Variants in RHOD observed in about 807,000 individuals in gnomAD.
RHOD encodes the protein ras homolog family member D.
In RHOD, 11 loss-of-function variants were observed where a neutral mutation model predicts 16.7. The observed-to-expected ratio is 0.66, with a 90% CI of 0.41 to 1.09. The LOEUF is 1.09. RHOD is among the 50% of genes least tolerant of loss of function. The probability of loss-of-function intolerance (pLI) is 0.00; values close to 1 mark genes in which losing one functional copy is unlikely to be tolerated. For missense variants in RHOD, 271 were observed against 291.7 expected (o/e 0.93, Z 0.52); for synonymous variants, 124 against 126.3 (o/e 0.98, Z 0.12).
intron 4 of RHOD, 138 bp from the exon 5 acceptor site, chr11:67,071,297 C>G: frequency 1.6e-6 from 1 of 606,142 alleles, no homozygotes; most frequent in Non-Finnish European, 2.6e-6. Context: ...TGCATGAGGG[C>G]GCTTGGGCAA....
At chr11:67,066,005 AGGGTGGG>A in intron 2 of RHOD, 22 bp downstream of exon 2, 1 of 593,612 alleles carries the variant, frequency 1.7e-6, no homozygotes, top group Non-Finnish European at 3.2e-6. Context: ...GGGGTGGGGC[AGGGTGGG>A]AGGGGCTTCT....
Position 67,057,094 on chromosome 11 carries a change from C to A in RHOD, c.132+60C>A. On this transcript the variant is annotated intron_variant, in intron 1 of 4. Coordinates refer to ENST00000308831, the MANE Select transcript of RHOD (RefSeq NM_014578.4). ...GCTCGCGCGCCCGGGTGTACAGGTC[C>A]GTGCCGGAGCGGCCCAGGCTGTGCG... The A allele has an allele frequency of 2.2e-6, 3 of 1,359,158 alleles. No individual in the cohort carries two copies. Among genetic ancestry groups the A allele is most frequent in the Non-Finnish European group, 9.4e-7 (1 of 1,062,710 alleles). The allele number at this position is 1,359,158 out of a possible 1,614,324, so 84.2% of individuals were successfully genotyped here. A position where few individuals can be genotyped will look rare whatever the true frequency, so the allele number is the denominator to read the frequency against.
At chr11:67,063,998 C>T (rs1179550222) in intron 1 of RHOD, among the ~76,000 whole-genome samples, 1 of 147,138 alleles carries the variant, frequency 6.8e-6, no homozygotes, top group African/African-American at 2.5e-5. Context: ...GCCAGCTACT[C>T]GGGAGGCTGA....
At chr11:67,062,268 C>A (rs1288545134) in intron 1 of RHOD, among the ~76,000 whole-genome samples, 1 of 152,162 alleles carries the variant, frequency 6.6e-6, no homozygotes, top group Non-Finnish European at 1.5e-5. Flanking sequence ...CACATCATGG[C>A]ATGACACTCT....
rs747881790 is a variant in RHOD at position 67,070,576 on chromosome 11, G to A, written c.465+17G>A. On this transcript the variant is annotated intron_variant, in intron 4 of 4. Coordinates refer to ENST00000308831, the MANE Select transcript of RHOD (RefSeq NM_014578.4). Reference sequence around the variant, plus strand: ...TACCACAGGGTAGGAAACCCAGCCCGAGGTGGGAGTTGGGGAGGACTGAGT... The same window carrying A: ...TACCACAGGGTAGGAAACCCAGCCCAAGGTGGGAGTTGGGGAGGACTGAGT... The A allele has an allele frequency of 2.7e-5, 44 of 1,613,566 alleles. No individual in the cohort carries two copies. Among genetic ancestry groups the A allele is most frequent in the South Asian group, 2.1e-4 (19 of 91,066 alleles).
At position 67,070,547 on chromosome 11, in the gene RHOD, G is replaced by A; in HGVS notation, c.453G>A (p.Val151=). The part of the protein sequence containing the change: ...NKLRRNGLEP[V]TYHRGQEMAR... The stretch of plus-strand genomic sequence containing the variant: ...TCCGAAGAAACGGATTGGAGCCTGT[G>A]ACCTACCACAGGGTAGGAAACCCAG... The change falls in exon 4 of 5, where the codon GTG becomes GTA. Residue 151 remains valine, a synonymous_variant. Transcript: ENST00000308831. The A allele has an allele frequency of 9.3e-6, 15 of 1,614,078 alleles. No individual in the cohort carries two copies. The highest frequency in any genetic ancestry group is 1.3e-5 in the Non-Finnish European group (15 of 1,180,016).
At chr11:67,069,582 C>T (rs1444980055) in intron 3 of RHOD, among the ~76,000 whole-genome samples, 1 of 152,178 alleles carries the variant, frequency 6.6e-6, no homozygotes, top group Non-Finnish European at 1.5e-5. Flanking sequence ...TGGTCTCGAA[C>T]TCCTGACCTC....
In RHOD at chr11:67,066,850, A is replaced by AGGTACTGG; in HGVS notation, c.330+6_330+13dup. The AGGTACTGG allele has an allele frequency of 6.2e-7, 1 of 1,600,680 alleles. No individual in the cohort carries two copies. Among genetic ancestry groups the AGGTACTGG allele is most frequent in the Non-Finnish European group, 8.6e-7 (1 of 1,167,854 alleles). ...GCTTTGACAACATCTTTAACCGGGT[A>AGGTACTGG]GGTACTGGGGGGCAGGGAGGCATAG... On this transcript the variant is annotated splice_donor_region_variant and intron_variant, in intron 3 of 4. Coordinates refer to ENST00000308831, the MANE Select transcript of RHOD (RefSeq NM_014578.4).
At position 67,071,465 on chromosome 11, in the gene RHOD, G is replaced by A; in HGVS notation, c.496G>A (p.Val166Met). 2 of 1,601,306 alleles carry A rather than the reference G, an allele frequency of 1.2e-6. No homozygotes were observed. Among genetic ancestry groups the A allele is most frequent in the South Asian group, 2.2e-5 (2 of 90,816 alleles). ...GGAGATGGCGAGGTCCGTGGGCGCG[G>A]TGGCCTACCTCGAGTGCTCGGCTCG... Reference protein sequence around the residue: ...GQEMARSVGAVAYLECSARLH... With the variant: ...GQEMARSVGAMAYLECSARLH... Residue 166 changes from valine (V) to methionine (M), a missense_variant, in exon 5 of 5, where the codon GTG becomes ATG. By Grantham distance (21) the Val-to-Met change is conservative. Transcript: ENST00000308831.
At chr11:67,059,557 A>AAT (rs570236616) in intron 1 of RHOD, among the ~76,000 whole-genome samples, 7,550 of 147,686 alleles carry the variant, frequency 0.051, 239 homozygotes, top group African/African-American at 0.1. Flanking sequence ...AATATATATA[A>AAT]ATATATATAT....
chr11:67,058,558 G>A (rs572782278), intron 1 of RHOD, among the ~76,000 whole-genome samples: 2 of 152,204 alleles, frequency 1.3e-5, no homozygotes, highest in South Asian at 4.2e-4. Flanking sequence ...CGATCTGCCC[G>A]CCTCGGCCTC....
At chr11:67,067,699 C>T (rs550495174) in intron 3 of RHOD, among the ~76,000 whole-genome samples, 26 of 152,092 alleles carry the variant, frequency 1.7e-4, no homozygotes, top group Non-Finnish European at 3.1e-4. Context: ...GTGGGGGTGA[C>T]GAGAAGGGGG....
chr11:67,061,753 A>T (rs11227672), intron 1 of RHOD, among the ~76,000 whole-genome samples: 5,302 of 126,190 alleles, frequency 0.042, 139 homozygotes, highest in Non-Finnish European at 0.055. Flanking sequence ...AAAAAAAAAA[A>T]AAATATATAT....
chr11:67,066,516 G>A (rs1320610323), intron 2 of RHOD, among the ~76,000 whole-genome samples: 1 of 152,248 alleles, frequency 6.6e-6, no homozygotes, highest in Non-Finnish European at 1.5e-5. Flanking sequence ...TGCCTTGCCC[G>A]TCATCCCTTC....
intron 1 of RHOD, among the ~76,000 whole-genome samples, chr11:67,060,572 G>T (rs1854873676): frequency 6.6e-6 from 1 of 152,226 alleles, no homozygotes; most frequent in African/African-American, 2.4e-5. Context: ...AGGAAAGGCA[G>T]GTGGCTGAGG....
intron 3 of RHOD, among the ~76,000 whole-genome samples, chr11:67,068,083 G>A (rs942849487): frequency 2.0e-5 from 3 of 152,240 alleles, no homozygotes; most frequent in African/African-American, 7.2e-5. Flanking sequence ...ACAGGCGTGA[G>A]CCACCACGCC....
At chr11:67,062,469 G>A (rs1421466683) in intron 1 of RHOD, among the ~76,000 whole-genome samples, 1 of 152,210 alleles carries the variant, frequency 6.6e-6, no homozygotes, top group African/African-American at 2.4e-5. Context: ...GGTAGGTGAG[G>A]CCCTTGTCTG....
intron 1 of RHOD, among the ~76,000 whole-genome samples, chr11:67,064,524 C>G (rs1854935938): frequency 6.6e-6 from 1 of 151,814 alleles, no homozygotes; most frequent in African/African-American, 2.4e-5. Context: ...TAATAGTGGT[C>G]TTGTTTGGAT....
intron 1 of RHOD, among the ~76,000 whole-genome samples, chr11:67,062,048 A>G (rs1454167845): frequency 1.3e-5 from 2 of 152,008 alleles, no homozygotes; most frequent in Non-Finnish European, 2.9e-5. Flanking sequence ...TCATGATTCA[A>G]TCACCTCCCA....
Sources: gnomAD v4.1 joint callset for allele counts (sites outside exome capture counted in the v4.1 genomes callset) on GRCh38, gnomAD v4.1.1 for gene constraint, MANE v1.5 for transcripts, NCBI Gene and HGNC (gene_info 2026-07-23, HGNC 2026-07-21) for gene names.